AVEN: variants seen among roughly 807,000 people sequenced by gnomAD.
AVEN encodes the protein cell death regulator Aven.
A neutral mutation model predicts 38.1 loss-of-function variants in AVEN; 41 were observed. That is an observed-to-expected ratio of 1.08 (90% CI 0.84 to 1.40). The LOEUF is 1.40. Among genes scored for constraint, AVEN ranks in the 40% most tolerant of loss-of-function variants. AVEN has a pLI of 0.00. For synonymous variants in AVEN, 206 were observed against 171.8 expected, an observed-to-expected ratio of 1.20 and a Z score of -1.56; for missense variants, 605 against 438.8, an observed-to-expected ratio of 1.38 and a Z score of -3.38.
In AVEN at chr15:34,063,223, G is replaced by A. The variant is rs1328896835; in HGVS notation, n.1336C>T. ...CTCTGGGCCCCAGCAATCCTCTGCT[G>A]GCAGTACTTGGTTGGGAAGCGGACA... On this transcript the variant is annotated non_coding_transcript_exon_variant, in exon 5 of 12. Coordinates refer to the AVEN transcript ENST00000675287. The surrounding 1 kb of genome is among the most constrained non-coding windows in gnomAD (Gnocchi z 4.1). The A allele has an allele frequency of 6.2e-7, 1 of 1,614,170 alleles. No individual in the cohort carries two copies. The highest frequency in any genetic ancestry group is 1.7e-5 in the Admixed American group (1 of 60,018).
rs756602032 is a variant in AVEN, at chr15:34,063,933, C to G, written n.1127-501G>C. ...TCACAAGGTGAAAATCATGCCCTGC[C>G]CCTTCCCAGTGGCCAAGGAACCTTC... is the stretch of plus-strand genomic sequence containing the variant. On this transcript the variant is annotated intron_variant and non_coding_transcript_variant, in intron 4 of 11. Coordinates refer to the AVEN transcript ENST00000675287. This position sits in a 1 kb window ranked among gnomAD's most constrained non-coding sequence, Gnocchi z 4.1. 1.2e-6 allele frequency: 2 copies of G among 1,614,192 alleles called. No individual in the cohort carries two copies. The highest frequency in any genetic ancestry group is 2.2e-5 in the South Asian group (2 of 91,082).
chr15:33,988,235 A>C (rs181137959), intron 2 of AVEN, among the ~76,000 whole-genome samples: 1 of 152,330 alleles, frequency 6.6e-6, no homozygotes, highest in East Asian at 1.9e-4. Flanking sequence ...ATATACAATA[A>C]ACATAGTTTT....
At chr15:33,909,916 G>C (rs1401850967) in intron 2 of AVEN, among the ~76,000 whole-genome samples, 1 of 152,008 alleles carries the variant, frequency 6.6e-6, no homozygotes, top group Non-Finnish European at 1.5e-5. Context: ...ATCACCTGAG[G>C]TCAGGAGTTT....
chr15:33,912,821 T>C (rs1892964229), intron 2 of AVEN, among the ~76,000 whole-genome samples: 1 of 152,172 alleles, frequency 6.6e-6, no homozygotes, highest in African/African-American at 2.4e-5. Context: ...AGAATTTTCA[T>C]TAGTAAATCT....
intron 2 of AVEN, chr15:33,991,091 T>G (rs1038608443): frequency 1.3e-5 from 2 of 152,174 alleles, no homozygotes; most frequent in Non-Finnish European, 2.9e-5. Context: ...ATAATTATTT[T>G]ATGTCTAATC....
At chr15:33,935,871 A>T (rs1894041111) in intron 2 of AVEN, among the ~76,000 whole-genome samples, 1 of 151,960 alleles carries the variant, frequency 6.6e-6, no homozygotes, top group South Asian at 2.1e-4. Flanking sequence ...GACCGAGAGG[A>T]CTCCTTTATT....
the AVEN span, chr15:33,852,912 T>A: frequency 1.4e-6 from 1 of 736,848 alleles, no homozygotes; most frequent in East Asian, 2.8e-5. Context: ...TTCAATCAGA[T>A]CTTAAAATTC....
chr15:34,026,768 A>G (rs1898491331), intron 1 of AVEN, among the ~76,000 whole-genome samples: 2 of 152,166 alleles, frequency 1.3e-5, no homozygotes. Context: ...CCAAATTGAC[A>G]GTTTCAGAAA....
intron 1 of AVEN, among the ~76,000 whole-genome samples, chr15:34,037,682 A>G (rs894431511): frequency 6.6e-6 from 1 of 151,802 alleles, no homozygotes; most frequent in Non-Finnish European, 1.5e-5. Flanking sequence ...AAATGTTTTT[A>G]TATCTCATTC....
At chr15:33,862,434 T>C (rs553247382), downstream of AVEN, among the ~76,000 whole-genome samples, 10 of 152,096 alleles carry the variant, frequency 6.6e-5, no homozygotes, top group South Asian at 1.9e-3. Context: ...CTCGAACTCC[T>C]GAGCTCAAGC....
intron 2 of AVEN, among the ~76,000 whole-genome samples, chr15:33,883,208 A>C (rs185410344): frequency 6.6e-6 from 1 of 152,322 alleles, no homozygotes; most frequent in East Asian, 1.9e-4. Flanking sequence ...CCTCAGTTAA[A>C]AGGTAGCAAC....
chr15:34,064,000 A>C lies in AVEN; in HGVS notation n.1127-568T>G, dbSNP rs149897590. On this transcript the variant is annotated intron_variant and non_coding_transcript_variant, in intron 4 of 11. Coordinates refer to the AVEN transcript ENST00000675287. This position sits in a 1 kb window ranked among gnomAD's most constrained non-coding sequence, Gnocchi z 4.1. ...CCCAACCCCAGCCATCAAATGACCA[A>C]ACGAAAGAGAGTGGTCCTAGTCAAA... is the stretch of plus-strand genomic sequence containing the variant. 3,505 of 1,614,130 alleles carry C rather than the reference A, an allele frequency of 2.2e-3. 9 individuals carry two copies. Among genetic ancestry groups the C allele is most frequent in the Non-Finnish European group, 2.7e-3 (3,191 of 1,180,014 alleles).
At chr15:33,957,988 C>T (rs1260081593) in intron 2 of AVEN, among the ~76,000 whole-genome samples, 1 of 152,156 alleles carries the variant, frequency 6.6e-6, no homozygotes, top group Non-Finnish European at 1.5e-5. Flanking sequence ...ATCTGAAACT[C>T]TGAGTGGGAG....
Position 33,866,443 on chromosome 15 carries a change from T to G in AVEN, c.*170A>C. On this transcript the variant is annotated 3_prime_UTR_variant, in exon 6 of 6. Coordinates refer to ENST00000306730, the MANE Select transcript of AVEN (RefSeq NM_020371.3). ...AAACAAATGCAACAAGCTGCTTCAA[T>G]GTATTCTTTCAGATGTCAAACACAG... is the stretch of plus-strand genomic sequence containing the variant. 1.7e-6 allele frequency: 1 copy of G among 598,266 alleles called. No individual in the cohort carries two copies. The highest frequency in any genetic ancestry group is 4.0e-4 in the Middle Eastern group (1 of 2,528). The allele number at this position is 598,266 out of a possible 1,614,324, so 37.1% of individuals were successfully genotyped here.
chr15:33,983,931 A>G (rs922849253), intron 2 of AVEN, among the ~76,000 whole-genome samples: 1 of 73,398 alleles, frequency 1.4e-5, no homozygotes, highest in East Asian at 6.5e-4. Context: ...CCTCATCATG[A>G]AAAAAAAAAA....
intron 2 of AVEN, among the ~76,000 whole-genome samples, chr15:33,927,928 T>C (rs988977046): frequency 1.3e-5 from 2 of 152,168 alleles, no homozygotes; most frequent in Non-Finnish European, 2.9e-5. Context: ...ATATTCCCAC[T>C]GCCCACTGTG....
intron 1 of AVEN, among the ~76,000 whole-genome samples, chr15:34,028,898 G>GA (rs559083200): frequency 1.0e-3 from 151 of 145,662 alleles, no homozygotes; most frequent in South Asian, 0.01. Flanking sequence ...ACAGATGCCA[G>GA]AAAAAAAAAA....
rs577133970 is a variant in AVEN, at chr15:33,975,956, C to T, written c.445+27076G>A. 3.9e-5 allele frequency among the ~76,000 whole-genome samples: 6 copies of T among 152,104 alleles called. No homozygotes were observed. In the South Asian group the frequency reaches 1.2e-3, roughly 32 times the overall value. On this transcript the variant is annotated intron_variant, in intron 2 of 5. Coordinates refer to ENST00000306730, the MANE Select transcript of AVEN (RefSeq NM_020371.3). ...AGAAGAAAAGAAAAGAAAGAAATAC[C>T]AGGTCCCTTGCATAATATTCTAGTA... is the stretch of plus-strand genomic sequence containing the variant.
In AVEN at chr15:33,946,134, AC is replaced by A. The variant is rs537476164; in HGVS notation, c.445+56897del. Among the ~76,000 whole-genome samples, 434 of 152,334 alleles carry A rather than the reference AC, an allele frequency of 2.8e-3. 1 individual carries two copies. The highest frequency in any genetic ancestry group is 7.4e-3 in the Admixed American group (113 of 15,306). The stretch of plus-strand genomic sequence containing the variant: ...TCTGGTTAAACAGAGTGGATGGAAT[AC>A]AAATGTTACCTGTACTTCCTCCCAA... On this transcript the variant is annotated intron_variant, in intron 2 of 5. Coordinates refer to ENST00000306730, the MANE Select transcript of AVEN (RefSeq NM_020371.3).
Sources: allele counts gnomAD v4.1 joint callset (sites outside exome capture counted in the v4.1 genomes callset), GRCh38; gene constraint gnomAD v4.1.1; non-coding constraint Gnocchi (gnomAD v3.1); transcripts MANE v1.5; gene names NCBI Gene and HGNC (gene_info 2026-07-23, HGNC 2026-07-21).